SPINK9: variants seen among roughly 807,000 people sequenced by gnomAD.
SPINK9 encodes serine protease inhibitor Kazal-type 9.
A neutral mutation model predicts 10.8 loss-of-function variants in SPINK9; 3 were observed. The observed-to-expected ratio is 0.28, with a 90% CI of 0.13 to 0.72. SPINK9 has a LOEUF of 0.72. SPINK9 is among the 30% of genes least tolerant of loss of function. SPINK9 has a pLI of 0.74. For synonymous variants in SPINK9, 30 were observed against 31.2 expected (o/e 0.96, Z 0.12); for missense variants, 101 against 103.2 (o/e 0.98, Z 0.09).
chr5:148,335,880 C>G (rs921965633), intron 1 of SPINK9, among the ~76,000 whole-genome samples: 1 of 152,178 alleles, frequency 6.6e-6, no homozygotes, highest in Non-Finnish European at 1.5e-5. Context: ...AATGCTTATT[C>G]ATGAGAATAC....
At chr5:148,324,259 C>T (rs1757031083) in intron 2 of SPINK9, among the ~76,000 whole-genome samples, 1 of 152,032 alleles carries the variant, frequency 6.6e-6, no homozygotes, top group Non-Finnish European at 1.5e-5. Context: ...AAAGATTATA[C>T]ACATTCGTTT....
intron 2 of SPINK9, among the ~76,000 whole-genome samples, chr5:148,337,783 G>T (rs1757235856): frequency 6.6e-6 from 1 of 152,018 alleles, no homozygotes; most frequent in African/African-American, 2.4e-5. Context: ...AATTTTTACA[G>T]GGTCACATAG....
intron 2 of SPINK9, among the ~76,000 whole-genome samples, chr5:148,325,750 A>C (rs562471733): frequency 2.0e-5 from 3 of 152,214 alleles, no homozygotes; most frequent in African/African-American, 7.2e-5. Context: ...CAATTTACCT[A>C]TTATATCTTT....
chr5:148,327,087 A>G (rs990217367), intron 2 of SPINK9, among the ~76,000 whole-genome samples: 10 of 152,204 alleles, frequency 6.6e-5, no homozygotes, highest in African/African-American at 2.4e-4. Flanking sequence ...AGGAATCGCC[A>G]CACTGTCTCC....
intron 1 of SPINK9, among the ~76,000 whole-genome samples, chr5:148,335,881 A>G (rs994453563): frequency 6.6e-6 from 1 of 152,334 alleles, no homozygotes; most frequent in South Asian, 2.1e-4. Flanking sequence ...ATGCTTATTC[A>G]TGAGAATACT....
Position 148,336,669 on chromosome 5 carries a change from C to G in SPINK9, c.87+216C>G, listed in dbSNP as rs192791996. On this transcript the variant is annotated intron_variant, in intron 2 of 3. Coordinates refer to ENST00000377906, the MANE Select transcript of SPINK9 (RefSeq NM_001040433.2). Reference sequence around the variant, plus strand: ...AGCAACAAATTTAGAAAGGCCTGGTCTTTAATTCCACGTTTTTGATCACGT... The same window carrying G: ...AGCAACAAATTTAGAAAGGCCTGGTGTTTAATTCCACGTTTTTGATCACGT... Among the ~76,000 whole-genome samples, 18 of 152,292 alleles carry G rather than the reference C, an allele frequency of 1.2e-4. No individual in the cohort carries two copies. In the East Asian group the frequency reaches 3.1e-3, roughly 26 times the overall value.
chr5:148,330,546 C>G (rs1757135094), intron 2 of SPINK9, among the ~76,000 whole-genome samples: 1 of 152,146 alleles, frequency 6.6e-6, no homozygotes, highest in South Asian at 2.1e-4. Context: ...GATCCTGTCA[C>G]TATGATGTTA....
chr5:148,323,935 G>T, intron 2 of SPINK9: 1 of 653,826 alleles, frequency 1.5e-6, no homozygotes, highest in Non-Finnish European at 2.8e-6. Flanking sequence ...ATAAAATAAA[G>T]AGAATAATCA....
chr5:148,331,513 G>T (rs1288128110), upstream of SPINK9, among the ~76,000 whole-genome samples: 1 of 152,170 alleles, frequency 6.6e-6, no homozygotes, highest in Non-Finnish European at 1.5e-5. Context: ...TGGCCAAAGG[G>T]TGCAAAGTTT....
chr5:148,336,462 A>G lies in SPINK9; in HGVS notation c.87+9A>G, dbSNP rs201850980. On this transcript the variant is annotated intron_variant, in intron 2 of 3. Coordinates refer to ENST00000377906, the MANE Select transcript of SPINK9 (RefSeq NM_001040433.2). ...AACAGACGAAACAGATGGTCAGTAC[A>G]CCCATCCTACTTTTATGTAATTTTA... 1.7e-4 allele frequency: 278 copies of G among 1,612,878 alleles called. No homozygotes were observed. The highest frequency in any genetic ancestry group is 2.2e-4 in the Non-Finnish European group (264 of 1,179,212).
At chr5:148,329,877 T>C (rs1757123564) in intron 2 of SPINK9, among the ~76,000 whole-genome samples, 2 of 152,200 alleles carry the variant, frequency 1.3e-5, no homozygotes, top group South Asian at 4.1e-4. Context: ...AGACAGTTTG[T>C]TATAATTTCT....
intron 2 of SPINK9, among the ~76,000 whole-genome samples, chr5:148,326,321 G>T (rs912399358): frequency 2.6e-5 from 4 of 152,068 alleles, no homozygotes; most frequent in Admixed American, 2.6e-4. Context: ...AGTCATTTTG[G>T]AAAATGACAT....
chr5:148,330,521 G>A (rs900092935), intron 2 of SPINK9, among the ~76,000 whole-genome samples: 41 of 152,162 alleles, frequency 2.7e-4, no homozygotes, highest in African/African-American at 9.7e-4. Flanking sequence ...GGTTAGTATT[G>A]TTATGTGTGA....
chr5:148,332,505 A>G (rs1317214856), upstream of SPINK9, among the ~76,000 whole-genome samples: 1 of 152,248 alleles, frequency 6.6e-6, no homozygotes, highest in Non-Finnish European at 1.5e-5. Flanking sequence ...AGCATTCACG[A>G]CAGATAAAGT....
At chr5:148,332,440 T>G (rs1216683148), upstream of SPINK9, among the ~76,000 whole-genome samples, 1 of 152,194 alleles carries the variant, frequency 6.6e-6, no homozygotes, top group Non-Finnish European at 1.5e-5. Context: ...TTACCTTCTG[T>G]AAAATGGAAG....
upstream of SPINK9, among the ~76,000 whole-genome samples, chr5:148,335,110 C>A (rs1280035056): frequency 6.6e-6 from 1 of 152,204 alleles, no homozygotes; most frequent in Non-Finnish European, 1.5e-5. Flanking sequence ...CTACCTACAA[C>A]ACCTGCAAGA....
intron 2 of SPINK9, among the ~76,000 whole-genome samples, chr5:148,329,599 G>C (rs1188181031): frequency 1.3e-5 from 2 of 151,944 alleles, no homozygotes; most frequent in Non-Finnish European, 2.9e-5. Context: ...TGTGATGTTA[G>C]GGTTTCAATT....
Position 148,328,318 on chromosome 5 carries a change from T to G in SPINK9, c.118+4450T>G, listed in dbSNP as rs546057084. On this transcript the variant is annotated intron_variant, in intron 2 of 4. Coordinates refer to the SPINK9 transcript ENST00000511717. ...TTTGGCTCTCTGTTTGTTACTGGTG[T>G]ATAAGAATGCTTGTGATTTTTGTAT... is the stretch of plus-strand genomic sequence containing the variant. Among the ~76,000 whole-genome samples, 3 of 152,188 alleles carry G rather than the reference T, an allele frequency of 2.0e-5. No homozygotes were observed. The East Asian group carries it at 5.8e-4, about 29-fold the overall frequency.
chr5:148,329,573 C>T (rs1757119300), intron 2 of SPINK9, among the ~76,000 whole-genome samples: 1 of 152,156 alleles, frequency 6.6e-6, no homozygotes. Flanking sequence ...GCTCTTGCTT[C>T]TCTAGTTCTT....
Sources: allele counts gnomAD v4.1 joint callset (sites outside exome capture counted in the v4.1 genomes callset), GRCh38; gene constraint gnomAD v4.1.1; transcripts MANE v1.5; gene names NCBI Gene and HGNC (gene_info 2026-07-23, HGNC 2026-07-21).